Variants in TECRL observed in about 807,000 individuals in gnomAD.
TECRL encodes the protein trans-2,3-enoyl-CoA reductase-like.
Under a neutral mutation model 52.8 loss-of-function variants are expected in TECRL, and 63 were observed. The observed-to-expected ratio is 1.19, with a 90% CI of 0.97 to 1.47. The LOEUF (loss-of-function observed/expected upper bound fraction) is 1.47. Ranked by LOEUF, TECRL falls within the 40% of genes most tolerant of loss-of-function variation. The probability of loss-of-function intolerance (pLI) is 0.00; values close to 1 mark genes in which losing one functional copy is unlikely to be tolerated. For synonymous variants in TECRL, 164 were observed against 141.9 expected (o/e 1.16, Z -1.10); for missense variants, 482 against 429.6 (o/e 1.12, Z -1.08).
At chr4:64,284,701 T>C (rs1477399691) in intron 9 of TECRL, among the ~76,000 whole-genome samples, 3 of 152,134 alleles carry the variant, frequency 2.0e-5, no homozygotes, top group African/African-American at 7.2e-5. Context: ...CAGAAAGTTA[T>C]GTTTGGCTAG....
chr4:64,340,874 C>T (rs1222147750), intron 2 of TECRL, among the ~76,000 whole-genome samples: 1 of 152,136 alleles, frequency 6.6e-6, no homozygotes, highest in Non-Finnish European at 1.5e-5. Flanking sequence ...ATCTGAAGCC[C>T]ATAAAGGCCC....
intron 9 of TECRL, among the ~76,000 whole-genome samples, chr4:64,285,743 A>G (rs1351790775): frequency 6.6e-6 from 1 of 152,154 alleles, no homozygotes; most frequent in African/African-American, 2.4e-5. Flanking sequence ...GAATACAATT[A>G]TCTGAAATTA....
intron 10 of TECRL, 151 bp downstream of exon 10, chr4:64,281,323 G>A: frequency 1.7e-6 from 1 of 583,588 alleles, no homozygotes; most frequent in East Asian, 3.0e-5. Flanking sequence ...AATTGTGATT[G>A]AAATGTTCTA....
At chr4:64,377,593 G>T (rs1371989019) in intron 1 of TECRL, among the ~76,000 whole-genome samples, 2 of 151,856 alleles carry the variant, frequency 1.3e-5, no homozygotes, top group African/African-American at 4.8e-5. Context: ...CCTCTTAAAA[G>T]AAAATGAATC....
intron 6 of TECRL, among the ~76,000 whole-genome samples, chr4:64,307,735 G>A (rs904138318): frequency 1.3e-5 from 2 of 152,102 alleles, no homozygotes; most frequent in African/African-American, 2.4e-5. Flanking sequence ...TGTATATAAA[G>A]TGTTCTAAAA....
chr4:64,337,102 G>A (rs544707657), intron 2 of TECRL, among the ~76,000 whole-genome samples: 20 of 152,230 alleles, frequency 1.3e-4, no homozygotes, highest in African/African-American at 4.6e-4. Flanking sequence ...AATGTTGACA[G>A]TGGGGTGTTA....
chr4:64,378,539 A>T (rs1722557717), intron 1 of TECRL, among the ~76,000 whole-genome samples: 1 of 152,140 alleles, frequency 6.6e-6, no homozygotes, highest in Admixed American at 6.6e-5. Context: ...ATTAGCAAAT[A>T]GAATGTATAT....
intron 7 of TECRL, among the ~76,000 whole-genome samples, chr4:64,300,866 A>C (rs1723979357): frequency 6.6e-6 from 1 of 151,044 alleles, no homozygotes. Context: ...AATGCAAGAC[A>C]TGGCTAGCTC....
chr4:64,309,751 A>C, intron 6 of TECRL, 75 bp downstream of exon 6: 1 of 954,338 alleles, frequency 1.0e-6, no homozygotes, highest in Middle Eastern at 2.1e-4. Context: ...GGAAGGAAAC[A>C]ATGATTAAAT....
intron 1 of TECRL, among the ~76,000 whole-genome samples, chr4:64,380,069 T>C (rs2109701135): frequency 6.6e-6 from 1 of 152,252 alleles, no homozygotes; most frequent in Non-Finnish European, 1.5e-5. Context: ...TGTTTTGCCT[T>C]TGTCTTTCCA....
At chr4:64,395,199 C>T (rs954698666) in intron 1 of TECRL, among the ~76,000 whole-genome samples, 6 of 151,976 alleles carry the variant, frequency 3.9e-5, no homozygotes, top group African/African-American at 1.2e-4. Context: ...GGATTACAGA[C>T]GTAAGCCACC....
At chr4:64,303,335 C>T (rs1259029704) in intron 7 of TECRL, among the ~76,000 whole-genome samples, 1 of 151,394 alleles carries the variant, frequency 6.6e-6, no homozygotes, top group African/African-American at 2.4e-5. Flanking sequence ...ATCCTAAGCC[C>T]ATATAACTAA....
chr4:64,331,902 C>T (rs1012142793), intron 2 of TECRL, among the ~76,000 whole-genome samples: 1 of 152,004 alleles, frequency 6.6e-6, no homozygotes, highest in African/African-American at 2.4e-5. Flanking sequence ...TGTTCACAGG[C>T]ATCCACAATA....
intron 2 of TECRL, among the ~76,000 whole-genome samples, chr4:64,337,246 T>G (rs1719166797): frequency 6.6e-6 from 1 of 152,146 alleles, no homozygotes; most frequent in Non-Finnish European, 1.5e-5. Context: ...CTAAAAACTC[T>G]CAATAAATTA....
At chr4:64,385,606 G>C (rs1331622479) in intron 1 of TECRL, among the ~76,000 whole-genome samples, 1 of 152,098 alleles carries the variant, frequency 6.6e-6, no homozygotes, top group East Asian at 1.9e-4. Flanking sequence ...GGGGATGTCA[G>C]TGGGGCTCTA....
intron 1 of TECRL, among the ~76,000 whole-genome samples, chr4:64,393,361 T>G (rs1304634966): frequency 6.6e-6 from 1 of 151,998 alleles, no homozygotes; most frequent in Non-Finnish European, 1.5e-5. Flanking sequence ...TGATTTTGAC[T>G]GCAAAGGGGG....
intron 3 of TECRL, 99 bp downstream of exon 3, chr4:64,328,413 A>C: frequency 1.0e-6 from 1 of 961,418 alleles, no homozygotes; most frequent in Admixed American, 2.3e-5. Context: ...AATAATACTA[A>C]TATTTGTATA....
At chr4:64,286,606 A>G (rs1723094598) in intron 9 of TECRL, among the ~76,000 whole-genome samples, 1 of 152,054 alleles carries the variant, frequency 6.6e-6, no homozygotes, top group Non-Finnish European at 1.5e-5. Flanking sequence ...GGGAATCATC[A>G]ACCCTTAGAC....
chr4:64,311,854 A>G (rs1323859427), intron 5 of TECRL, among the ~76,000 whole-genome samples: 2 of 152,226 alleles, frequency 1.3e-5, no homozygotes, highest in Non-Finnish European at 2.9e-5. Context: ...AAGTATTGAT[A>G]AAATCTTATT....
Sources: gnomAD v4.1 joint callset for allele counts (sites outside exome capture counted in the v4.1 genomes callset) on GRCh38, gnomAD v4.1.1 for gene constraint, MANE v1.5 for transcripts, NCBI Gene and HGNC (gene_info 2026-07-23, HGNC 2026-07-21) for gene names.